The following UNC5D variants were observed in gnomAD, a reference collection of about 807,000 sequenced individuals.
UNC5D encodes the protein netrin receptor UNC5D.
Under a neutral mutation model 105.4 loss-of-function variants are expected in UNC5D, and 39 were observed. That is an observed-to-expected ratio of 0.37 (90% CI 0.29 to 0.48). The LOEUF (loss-of-function observed/expected upper bound fraction) is 0.48, where lower values mean the gene tolerates loss of function less well. Among genes scored for constraint, UNC5D ranks in the 20% least tolerant of loss-of-function variants. UNC5D has a pLI of 0.98. For missense variants in UNC5D, 991 were observed against 1,202.4 expected (o/e 0.82, Z 2.60); for synonymous variants, 452 against 450.4 (o/e 1.00, Z -0.04).
chr8:35,312,626 C>G (rs1808981063), intron 1 of UNC5D, among the ~76,000 whole-genome samples: 2 of 152,158 alleles, frequency 1.3e-5, no homozygotes, highest in Admixed American at 1.3e-4. Flanking sequence ...TGAATTTTGA[C>G]ATATTCAATA....
chr8:35,240,196 T>G (rs1405149447), intron 1 of UNC5D, among the ~76,000 whole-genome samples: 1 of 152,162 alleles, frequency 6.6e-6, no homozygotes, highest in African/African-American at 2.4e-5. Context: ...GTGATCCTTC[T>G]GCCTTGGCCT....
rs535063905 is a variant in UNC5D at position 35,298,791 on chromosome 8, G to A, written c.103+62904G>A. Reference sequence around the variant, plus strand: ...GGAAGGATATATACTTGGCAGTACTGAATTTAAGTATTGGCATTTGCCCTT... The same window carrying A: ...GGAAGGATATATACTTGGCAGTACTAAATTTAAGTATTGGCATTTGCCCTT... On this transcript the variant is annotated intron_variant, in intron 1 of 16. Transcript: ENST00000404895. 7.2e-5 allele frequency among the ~76,000 whole-genome samples: 11 copies of A among 152,240 alleles called. No individual in the cohort carries two copies. The East Asian group carries it at 1.5e-3, about 21-fold the overall frequency.
intron 4 of UNC5D, among the ~76,000 whole-genome samples, chr8:35,640,405 T>C (rs1053415350): frequency 2.0e-5 from 3 of 152,176 alleles, no homozygotes; most frequent in African/African-American, 7.2e-5. Context: ...GAACTCAGAA[T>C]AATGTAACCC....
intron 11 of UNC5D, among the ~76,000 whole-genome samples, chr8:35,740,067 C>A (rs554018122): frequency 6.6e-6 from 1 of 152,230 alleles, no homozygotes; most frequent in Non-Finnish European, 1.5e-5. Flanking sequence ...TGAACAGATA[C>A]CTTGGTTGGA....
At chr8:35,381,166 A>G (rs1265662848) in intron 1 of UNC5D, among the ~76,000 whole-genome samples, 2 of 152,170 alleles carry the variant, frequency 1.3e-5, no homozygotes, top group African/African-American at 2.4e-5. Context: ...AGCATTAAAA[A>G]TCAGCTTCCT....
chr8:35,573,654 A>G (rs950166764), intron 3 of UNC5D, among the ~76,000 whole-genome samples: 1 of 152,164 alleles, frequency 6.6e-6, no homozygotes, highest in African/African-American at 2.4e-5. Context: ...TGTTTCCTTG[A>G]AGAAAGCTGT....
rs568007175 is a variant in UNC5D at position 35,527,853 on chromosome 8, A to G, written c.104-21439A>G. Among the ~76,000 whole-genome samples, 11 of 152,094 alleles carry G rather than the reference A, an allele frequency of 7.2e-5. No homozygotes were observed. In the East Asian group the frequency reaches 2.1e-3, roughly 30 times the overall value. Reference sequence around the variant, plus strand: ...GGCCTCTCCTGTTTCTTCTAAGGGTACTAGTCCTGTTCATATGGTCACTAC... The same window carrying G: ...GGCCTCTCCTGTTTCTTCTAAGGGTGCTAGTCCTGTTCATATGGTCACTAC... On this transcript the variant is annotated intron_variant, in intron 1 of 16. Transcript: ENST00000404895.
rs74644433 is a variant in UNC5D at position 35,328,846 on chromosome 8, G to A, written c.103+92959G>A. On this transcript the variant is annotated intron_variant, in intron 1 of 16. Transcript: ENST00000404895. ...AGATGAACTGTTTCTTTCATGATGC[G>A]TTTTGGAAGTATTCTATTTTTGTTT... is the stretch of plus-strand genomic sequence containing the variant. Among the ~76,000 whole-genome samples the A allele has an allele frequency of 1.3e-3, 197 of 152,240 alleles. 1 individual carries two copies. Among genetic ancestry groups the A allele is most frequent in the African/African-American group, 4.5e-3 (186 of 41,532 alleles).
chr8:35,452,671 T>C (rs914817223), intron 1 of UNC5D, among the ~76,000 whole-genome samples: 2 of 152,136 alleles, frequency 1.3e-5, no homozygotes, highest in Non-Finnish European at 2.9e-5. Context: ...TTTTTTGAAT[T>C]CCTTATGATT....
At chr8:35,684,008 T>C (rs1199482870) in intron 5 of UNC5D, among the ~76,000 whole-genome samples, 2 of 152,166 alleles carry the variant, frequency 1.3e-5, no homozygotes, top group Admixed American at 6.5e-5. Context: ...TTCCATTATG[T>C]TTATATTTGA....
chr8:35,377,371 A>G (rs1028337237), intron 1 of UNC5D, among the ~76,000 whole-genome samples: 1 of 152,142 alleles, frequency 6.6e-6, no homozygotes, highest in African/African-American at 2.4e-5. Flanking sequence ...ACCTGTGAAC[A>G]CAGCTCCTAC....
chr8:35,529,131 C>T (rs1414998303), intron 1 of UNC5D, among the ~76,000 whole-genome samples: 2 of 142,692 alleles, frequency 1.4e-5, no homozygotes, highest in Non-Finnish European at 3.0e-5. Flanking sequence ...CCCATGCCTA[C>T]GTCCTGAATG....
chr8:35,380,157 G>GGGAGAGACAGAGACCAAGAC (rs1305609627), intron 1 of UNC5D, among the ~76,000 whole-genome samples: 30 of 145,954 alleles, frequency 2.1e-4, no homozygotes, highest in African/African-American at 7.5e-4. Context: ...GAGACCGAGA[G>GGGAGAGACAGAGACCAAGAC]GGAGAGACAG....
At chr8:35,767,613 A>G (rs1019744552) in intron 15 of UNC5D, among the ~76,000 whole-genome samples, 5 of 152,126 alleles carry the variant, frequency 3.3e-5, no homozygotes, top group African/African-American at 9.7e-5. Flanking sequence ...TTCCAATACA[A>G]TAATATAAGG....
chr8:35,676,324 T>C (rs1825217319), intron 4 of UNC5D, among the ~76,000 whole-genome samples: 1 of 152,210 alleles, frequency 6.6e-6, no homozygotes, highest in Non-Finnish European at 1.5e-5. Context: ...ACTAGTTTCT[T>C]TGCATGTTCT....
intron 1 of UNC5D, among the ~76,000 whole-genome samples, chr8:35,506,742 A>G (rs867895858): frequency 7.9e-5 from 12 of 152,176 alleles, no homozygotes; most frequent in Non-Finnish European, 1.6e-4. Context: ...GAATGTAATA[A>G]AAGGAAGGAT....
At chr8:35,763,447 T>A (rs1305331799) in intron 14 of UNC5D, among the ~76,000 whole-genome samples, 1 of 92,846 alleles carries the variant, frequency 1.1e-5, no homozygotes, top group Non-Finnish European at 1.7e-5. Context: ...GGTCAGTGCC[T>A]TTTTTTTTTT....
At chr8:35,259,995 T>C (rs1318103036) in intron 1 of UNC5D, among the ~76,000 whole-genome samples, 3 of 152,034 alleles carry the variant, frequency 2.0e-5, no homozygotes, top group Non-Finnish European at 2.9e-5. Context: ...AGGATACAAA[T>C]AAAAAAGTGT....
intron 4 of UNC5D, among the ~76,000 whole-genome samples, chr8:35,627,657 G>A (rs570049843): frequency 2.6e-5 from 4 of 152,218 alleles, no homozygotes; most frequent in South Asian, 2.1e-4. Flanking sequence ...GACTGGGCGC[G>A]GTGGCTCACG....
Sources: allele counts gnomAD v4.1 joint callset (sites outside exome capture counted in the v4.1 genomes callset), GRCh38; gene constraint gnomAD v4.1.1; transcripts MANE v1.5; gene names NCBI Gene and HGNC (gene_info 2026-07-23, HGNC 2026-07-21).